Variants in KIAA1217 observed in about 807,000 individuals in gnomAD.
The protein encoded by KIAA1217 is KIAA1217, also known as sickle tail protein homolog.
In KIAA1217, 88 loss-of-function variants were observed where a neutral mutation model predicts 163.9. That is an observed-to-expected ratio of 0.54 (90% CI 0.45 to 0.64). KIAA1217 has a LOEUF of 0.64. Among genes scored for constraint, KIAA1217 ranks in the 30% least tolerant of loss-of-function variants. KIAA1217 has a pLI of 0.00. For missense variants in KIAA1217, 2,372 were observed against 2,475.0 expected (o/e 0.96, Z 0.88); for synonymous variants, 903 against 923.1 (o/e 0.98, Z 0.39).
intron 5 of KIAA1217, among the ~76,000 whole-genome samples, chr10:24,447,290 C>T (rs777798480): frequency 4.0e-5 from 6 of 151,572 alleles, no homozygotes; most frequent in Non-Finnish European, 5.9e-5. Flanking sequence ...TACATGTGCA[C>T]AATGTGTTAT....
intron 1 of KIAA1217, among the ~76,000 whole-genome samples, chr10:23,855,999 C>T (rs1420580684): frequency 6.6e-6 from 1 of 152,224 alleles, no homozygotes; most frequent in African/African-American, 2.4e-5. Context: ...CTGAAGCATT[C>T]TTCTCTCAAC....
At chr10:24,060,291 T>A (rs1215243257) in intron 2 of KIAA1217, among the ~76,000 whole-genome samples, 1 of 152,202 alleles carries the variant, frequency 6.6e-6, no homozygotes, top group African/African-American at 2.4e-5. Flanking sequence ...GCACTGTTTT[T>A]GCTGCATTCC....
chr10:24,063,015 G>A (rs531877697), intron 2 of KIAA1217, among the ~76,000 whole-genome samples: 1 of 151,858 alleles, frequency 6.6e-6, no homozygotes, highest in East Asian at 1.9e-4. Context: ...GTTTGTTTGA[G>A]TTCACTGTAG....
chr10:23,766,028 C>G (rs1834501956), intron 1 of KIAA1217, among the ~76,000 whole-genome samples: 1 of 152,326 alleles, frequency 6.6e-6, no homozygotes, highest in Middle Eastern at 3.4e-3. Flanking sequence ...AGGTGATTTG[C>G]AGGCAAAACT....
intron 2 of KIAA1217, among the ~76,000 whole-genome samples, chr10:24,375,228 T>G (rs1320683333): frequency 1.3e-5 from 2 of 152,142 alleles, no homozygotes; most frequent in African/African-American, 2.4e-5. Flanking sequence ...GGAGATAAGA[T>G]AGAAGCCAGG....
chr10:23,872,284 G>A (rs935187530), intron 1 of KIAA1217, among the ~76,000 whole-genome samples: 14 of 147,316 alleles, frequency 9.5e-5, no homozygotes, highest in African/African-American at 3.5e-4. Flanking sequence ...ATCTGGGTAG[G>A]ACCAATAGAT....
At chr10:24,020,193 C>T (rs542617063) in intron 2 of KIAA1217, among the ~76,000 whole-genome samples, 13 of 152,196 alleles carry the variant, frequency 8.5e-5, no homozygotes, top group East Asian at 3.9e-4. Flanking sequence ...AATAGTAGTC[C>T]GTGACTTTCA....
At chr10:24,367,437 C>T (rs2050938236) in intron 2 of KIAA1217, among the ~76,000 whole-genome samples, 1 of 152,250 alleles carries the variant, frequency 6.6e-6, no homozygotes, top group Admixed American at 6.5e-5. Flanking sequence ...ATGCTTGCTT[C>T]GAAATATTTA....
At chr10:23,797,569 G>A (rs1459107081) in intron 1 of KIAA1217, among the ~76,000 whole-genome samples, 1 of 152,074 alleles carries the variant, frequency 6.6e-6, no homozygotes, top group Non-Finnish European at 1.5e-5. Context: ...AAGCGTGGCT[G>A]GGGAGGCCTC....
In KIAA1217 at chr10:24,426,137, C is replaced by T. The variant is rs138268401; in HGVS notation, c.554-6858C>T. 6.6e-5 allele frequency among the ~76,000 whole-genome samples: 10 copies of T among 152,272 alleles called. No homozygotes were observed. In the East Asian group the frequency reaches 1.4e-3, roughly 21 times the overall value. On this transcript the variant is annotated intron_variant, in intron 3 of 20. Transcript: ENST00000376454. ...GTCACCGTCAGCTGCCTGCAGAAGA[C>T]GCCCTTCAGGGAAAATGGTATTGCT... is the stretch of plus-strand genomic sequence containing the variant.
At chr10:23,962,485 T>A (rs1473134324) in intron 1 of KIAA1217, among the ~76,000 whole-genome samples, 8 of 152,204 alleles carry the variant, frequency 5.3e-5, no homozygotes, top group Admixed American at 5.2e-4. Flanking sequence ...TTTATATGCA[T>A]GTTAACACAA....
At chr10:23,960,404 C>A (rs533036118) in intron 1 of KIAA1217, among the ~76,000 whole-genome samples, 1 of 152,070 alleles carries the variant, frequency 6.6e-6, no homozygotes, top group African/African-American at 2.4e-5. Context: ...ATTACAGGCA[C>A]GTGCCACCAC....
Position 23,903,903 on chromosome 10 carries a change from C to T in KIAA1217, c.-320-103322C>T, listed in dbSNP as rs747644779. Among the ~76,000 whole-genome samples the T allele has an allele frequency of 7.8e-4, 119 of 152,086 alleles. 1 individual carries two copies. Among genetic ancestry groups the T allele is most frequent in the Admixed American group, 4.6e-4 (7 of 15,260 alleles). ...ATTTCATACAATGTCAGCCATATATCTTCAGATTATCAAGAGCTGGCAAAC... is the reference window on the plus strand; with the variant it reads ...ATTTCATACAATGTCAGCCATATATTTTCAGATTATCAAGAGCTGGCAAAC... On this transcript the variant is annotated intron_variant, in intron 1 of 18. Coordinates refer to the KIAA1217 transcript ENST00000376462.
intron 2 of KIAA1217, among the ~76,000 whole-genome samples, chr10:24,152,639 G>C (rs1165258836): frequency 6.6e-6 from 1 of 151,454 alleles, no homozygotes; most frequent in Non-Finnish European, 1.5e-5. Context: ...TCTCTCCTTG[G>C]ACTAAATAGG....
chr10:24,357,539 C>T (rs1258227220), intron 2 of KIAA1217, among the ~76,000 whole-genome samples: 3 of 152,284 alleles, frequency 2.0e-5, no homozygotes, highest in South Asian at 2.1e-4. Flanking sequence ...GCAGCACACC[C>T]GCAGGCAGCT....
intron 2 of KIAA1217, among the ~76,000 whole-genome samples, chr10:24,143,365 C>T (rs888768744): frequency 8.5e-5 from 13 of 152,140 alleles, no homozygotes; most frequent in African/African-American, 3.1e-4. Flanking sequence ...CTCCCAGGTT[C>T]AAGCGATTCT....
chr10:23,790,422 CAT>C (rs1444246779), intron 1 of KIAA1217, among the ~76,000 whole-genome samples: 4 of 109,010 alleles, frequency 3.7e-5, no homozygotes, highest in East Asian at 2.5e-4. Context: ...TACATATATA[CAT>C]ATATACATAT....
chr10:24,216,070 G>C (rs1285905221), intron 1 of KIAA1217, among the ~76,000 whole-genome samples: 2 of 152,128 alleles, frequency 1.3e-5, no homozygotes, highest in Non-Finnish European at 2.9e-5. Context: ...AGAAAAAACA[G>C]AAAAGCAACA....
At chr10:23,971,861 G>A (rs374822255) in intron 1 of KIAA1217, among the ~76,000 whole-genome samples, 1 of 152,040 alleles carries the variant, frequency 6.6e-6, no homozygotes, top group Non-Finnish European at 1.5e-5. Flanking sequence ...CTACCTGGAG[G>A]CTTCATCTGC....
Sources: allele counts gnomAD v4.1 joint callset (sites outside exome capture counted in the v4.1 genomes callset), GRCh38; gene constraint gnomAD v4.1.1; transcripts MANE v1.5; gene names NCBI Gene and HGNC (gene_info 2026-07-23, HGNC 2026-07-21).